The following PPP3CC variants were observed in gnomAD, a reference collection of about 807,000 sequenced individuals.
The protein encoded by PPP3CC is serine/threonine-protein phosphatase 2B catalytic subunit gamma isoform.
A neutral mutation model predicts 60.3 loss-of-function variants in PPP3CC; 35 were observed. The ratio of observed to expected loss-of-function variants is 0.58; its 90% CI spans 0.44 to 0.77. The LOEUF (loss-of-function observed/expected upper bound fraction) is 0.77. Ranked by LOEUF, PPP3CC falls within the 30% of genes least tolerant of loss-of-function variation. PPP3CC has a pLI of 0.00. For synonymous variants in PPP3CC, 206 were observed against 224.3 expected (o/e 0.92, Z 0.73); for missense variants, 570 against 628.9 (o/e 0.91, Z 1.00).
intron 13 of PPP3CC, 118 bp downstream of exon 13, chr8:22,539,616 A>C: frequency 9.4e-7 from 1 of 1,064,280 alleles, no homozygotes; most frequent in Non-Finnish European, 1.4e-6. Context: ...CAGTGAGAAA[A>C]GGTATAGTTG....
intron 4 of PPP3CC, among the ~76,000 whole-genome samples, chr8:22,504,071 T>C (rs1238668252): frequency 6.6e-6 from 1 of 152,202 alleles, no homozygotes; most frequent in Admixed American, 6.5e-5. Flanking sequence ...AAGGCTTTTC[T>C]TGTATCAATC....
chr8:22,471,366 A>G lies in PPP3CC; in HGVS notation c.50-3588A>G, dbSNP rs147186147. ...ATATGGTCCCCTATTCTAAGGTAAT[A>G]CAGTCATGCATCCGAGAAATGTGTC... On this transcript the variant is annotated intron_variant, in intron 1 of 13. Coordinates refer to ENST00000240139, the MANE Select transcript of PPP3CC (RefSeq NM_005605.5). Among the ~76,000 whole-genome samples the G allele has an allele frequency of 3.5e-3, 525 of 150,664 alleles. 3 individuals carry two copies. The highest frequency in any genetic ancestry group is 0.012 in the African/African-American group (481 of 40,792).
At chr8:22,448,788 G>A (rs1316337397) in intron 1 of PPP3CC, among the ~76,000 whole-genome samples, 4 of 151,874 alleles carry the variant, frequency 2.6e-5, no homozygotes, top group Non-Finnish European at 5.9e-5. Flanking sequence ...TTGAAATGTC[G>A]TGATTTTTGC....
intron 6 of PPP3CC, among the ~76,000 whole-genome samples, chr8:22,515,450 C>T (rs925665319): frequency 1.3e-5 from 2 of 152,186 alleles, no homozygotes; most frequent in East Asian, 3.8e-4. Context: ...GCAGATGTCT[C>T]TTCAATATAC....
At chr8:22,486,924 T>A (rs1838243041) in intron 3 of PPP3CC, among the ~76,000 whole-genome samples, 3 of 152,034 alleles carry the variant, frequency 2.0e-5, no homozygotes, top group Middle Eastern at 3.4e-3. Context: ...GAGATGGGGT[T>A]TCACCATGTT....
intron 10 of PPP3CC, among the ~76,000 whole-genome samples, chr8:22,530,252 G>A (rs541858752): frequency 6.6e-6 from 1 of 152,104 alleles, no homozygotes; most frequent in South Asian, 2.1e-4. Flanking sequence ...AAGAAAAACC[G>A]AATATCCCCC....
At chr8:22,455,186 T>C in intron 1 of PPP3CC, among the ~76,000 whole-genome samples, 1 of 152,224 alleles carries the variant, frequency 6.6e-6, no homozygotes. Context: ...TTTGATGAGT[T>C]CCTATTACAT....
In PPP3CC at chr8:22,481,470, A is replaced by G. The variant is rs570855752; in HGVS notation, c.372+5846A>G. ...AAAAACGTTAGTTTCCTTAAAGTTT[A>G]GTTTTCCTAAGTTATAAGATACCTA... On this transcript the variant is annotated intron_variant, in intron 3 of 13. Transcript: ENST00000240139. Among the ~76,000 whole-genome samples, 17 of 151,612 alleles carry G rather than the reference A, an allele frequency of 1.1e-4. No individual in the cohort carries two copies. In the South Asian group the frequency reaches 3.5e-3, roughly 32 times the overall value.
intron 3 of PPP3CC, among the ~76,000 whole-genome samples, chr8:22,483,625 C>T (rs1346267717): frequency 3.9e-5 from 6 of 152,122 alleles, no homozygotes; most frequent in African/African-American, 1.4e-4. Context: ...AGCTTGATCA[C>T]ATACAAAATT....
chr8:22,515,487 A>G (rs1052880866), intron 6 of PPP3CC, among the ~76,000 whole-genome samples: 2 of 152,210 alleles, frequency 1.3e-5, no homozygotes, highest in African/African-American at 4.8e-5. Flanking sequence ...ATATACATAC[A>G]TAGTAGTGAG....
intron 12 of PPP3CC, among the ~76,000 whole-genome samples, chr8:22,533,756 C>T (rs148121089): frequency 0.021 from 3,163 of 152,162 alleles, 118 homozygotes; most frequent in African/African-American, 0.071. Context: ...ATCCGGGAGG[C>T]GGAGGTTGCA....
At chr8:22,458,014 C>G (rs1194630837) in intron 1 of PPP3CC, among the ~76,000 whole-genome samples, 1 of 152,098 alleles carries the variant, frequency 6.6e-6, no homozygotes, top group African/African-American at 2.4e-5. Flanking sequence ...CCGCTTGAAC[C>G]TGGGAGGCAG....
rs35520234 is a variant in PPP3CC, at chr8:22,522,139, G to GCA, written c.771-330_771-329dup. 6.8e-3 allele frequency among the ~76,000 whole-genome samples: 1,014 copies of GCA among 148,984 alleles called. 4 individuals carry two copies. Among genetic ancestry groups the GCA allele is most frequent in the African/African-American group, 0.017 (689 of 40,736 alleles). ...TTTTTAGCATCTACTACACACACAC[G>GCA]CACACACACACACACACACACACTA... On this transcript the variant is annotated intron_variant, in intron 6 of 13. Transcript: ENST00000240139.
At chr8:22,522,230 C>CA (rs1839427516) in intron 6 of PPP3CC, among the ~76,000 whole-genome samples, 1 of 151,580 alleles carries the variant, frequency 6.6e-6, no homozygotes, top group East Asian at 1.9e-4. Flanking sequence ...TGGATTAAGA[C>CA]AAAAAAATTA....
At chr8:22,461,385 C>CT in intron 1 of PPP3CC, among the ~76,000 whole-genome samples, 1 of 152,232 alleles carries the variant, frequency 6.6e-6, no homozygotes, top group South Asian at 2.1e-4. Context: ...CCAAAACACT[C>CT]TGATTCCTGG....
chr8:22,492,675 T>C, intron 3 of PPP3CC: 1 of 763,244 alleles, frequency 1.3e-6, no homozygotes, highest in East Asian at 2.7e-5. Context: ...CAAGTGCGCA[T>C]TGGTGGGAAA....
At chr8:22,483,166 G>C (rs568766943) in intron 3 of PPP3CC, among the ~76,000 whole-genome samples, 2 of 152,184 alleles carry the variant, frequency 1.3e-5, no homozygotes, top group Non-Finnish European at 2.9e-5. Flanking sequence ...AATACTTTAA[G>C]AAAAGCCCTG....
Position 22,462,445 on chromosome 8 carries a change from C to A in PPP3CC, c.50-12509C>A, listed in dbSNP as rs568331981. Reference sequence around the variant, plus strand: ...TCGTCCGCTAAACTGGAACATTTACCATTTAGGGGAGGTGATCAATCAAGA... The same window carrying A: ...TCGTCCGCTAAACTGGAACATTTACAATTTAGGGGAGGTGATCAATCAAGA... On this transcript the variant is annotated intron_variant, in intron 1 of 13. Transcript: ENST00000240139. Among the ~76,000 whole-genome samples the A allele has an allele frequency of 2.0e-5, 3 of 152,210 alleles. No individual in the cohort carries two copies. The East Asian group carries it at 5.8e-4, about 29-fold the overall frequency.
At chr8:22,485,346 CA>C (rs1316321803) in intron 3 of PPP3CC, among the ~76,000 whole-genome samples, 1 of 152,156 alleles carries the variant, frequency 6.6e-6, no homozygotes, top group African/African-American at 2.4e-5. Context: ...GGCCTCAACC[CA>C]AAGGGAAAAA....
Sources: allele counts gnomAD v4.1 joint callset (sites outside exome capture counted in the v4.1 genomes callset), GRCh38; gene constraint gnomAD v4.1.1; transcripts MANE v1.5; gene names NCBI Gene and HGNC (gene_info 2026-07-23, HGNC 2026-07-21).